COL22A1: variants seen among roughly 807,000 people sequenced by gnomAD.
COL22A1 encodes the protein collagen type XXII alpha 1 chain, also known as collagen alpha-1(XXII) chain.
COL22A1 carries 221 observed loss-of-function variants against 248.9 expected under a neutral mutation model. The observed-to-expected ratio is 0.89, with a 90% CI of 0.80 to 0.99. The LOEUF (loss-of-function observed/expected upper bound fraction) is 0.99, where lower values mean the gene tolerates loss of function less well. COL22A1 is among the 50% of genes least tolerant of loss of function. The probability of loss-of-function intolerance (pLI) is 0.00; values close to 1 mark genes in which losing one functional copy is unlikely to be tolerated. For synonymous variants in COL22A1, 891 were observed against 793.4 expected (o/e 1.12, Z -2.07); for missense variants, 2,240 against 2,179.0 (o/e 1.03, Z -0.56).
In COL22A1 at chr8:138,635,023, T is replaced by G; in HGVS notation, c.3596A>C (p.Asn1199Thr). 6.2e-7 allele frequency: 1 copy of G among 1,607,290 alleles called. No individual in the cohort carries two copies. The highest frequency in any genetic ancestry group is 8.5e-7 in the Non-Finnish European group (1 of 1,175,274). Reference protein sequence around the residue: ...GVPGFMGPPGNPGPPGADGIA... With the variant: ...GVPGFMGPPGTPGPPGADGIA... ...ATGATTACTTACTGGTGGCCCAGGGTTCCCTGGGGGCCCCATGAAACCTGG... is the reference window on the plus strand; with the variant it reads ...ATGATTACTTACTGGTGGCCCAGGGGTCCCTGGGGGCCCCATGAAACCTGG... Residue 1199 changes from asparagine to threonine, a missense_variant, in exon 49 of 65, where the codon AAC becomes ACC. By Grantham distance (65) the Asn-to-Thr change is moderately conservative. Coordinates refer to ENST00000303045, the MANE Select transcript of COL22A1 (RefSeq NM_152888.3).
intron 32 of COL22A1, among the ~76,000 whole-genome samples, chr8:138,695,325 T>C (rs535477965): frequency 0.019 from 2,837 of 152,214 alleles, 85 homozygotes; most frequent in African/African-American, 0.064. Flanking sequence ...CAAACACTAC[T>C]TTTTCTCCCT....
intron 9 of COL22A1, among the ~76,000 whole-genome samples, chr8:138,809,846 C>G (rs1219699894): frequency 2.0e-5 from 3 of 152,162 alleles, no homozygotes; most frequent in African/African-American, 7.2e-5. Context: ...CCATCCATGT[C>G]TTCATACCCT....
At chr8:138,698,285 C>T (rs993966520) in intron 32 of COL22A1, among the ~76,000 whole-genome samples, 1 of 152,164 alleles carries the variant, frequency 6.6e-6, no homozygotes, top group Non-Finnish European at 1.5e-5. Context: ...GAAGCAACGG[C>T]GGTACAGACG....
chr8:138,853,892 AC>A (rs768980170), intron 3 of COL22A1, among the ~76,000 whole-genome samples: 4 of 152,130 alleles, frequency 2.6e-5, no homozygotes, highest in Non-Finnish European at 5.9e-5. Context: ...TTTGGCTGAC[AC>A]CCAGTCTCCC....
intron 5 of COL22A1, among the ~76,000 whole-genome samples, chr8:138,827,022 G>A (rs1819640056): frequency 6.6e-6 from 1 of 152,044 alleles, no homozygotes. Flanking sequence ...CATCCCTATG[G>A]TGCGTCTGCT....
At chr8:138,762,623 G>A (rs12550638) in intron 16 of COL22A1, among the ~76,000 whole-genome samples, 157 bp from the exon 17 acceptor site, 80,613 of 151,600 alleles carry the variant, frequency 0.53, 24,060 homozygotes, top group East Asian at 0.8. Flanking sequence ...AGCCCTAGAC[G>A]GGATGTGTCT....
chr8:138,847,430 T>C (rs575434802), intron 3 of COL22A1, among the ~76,000 whole-genome samples: 3 of 152,332 alleles, frequency 2.0e-5, no homozygotes, highest in Admixed American at 6.5e-5. Flanking sequence ...TCTTTGTTGC[T>C]AAATAATGCC....
At chr8:138,783,535 T>C (rs1485103474) in intron 12 of COL22A1, among the ~76,000 whole-genome samples, 1 of 152,184 alleles carries the variant, frequency 6.6e-6, no homozygotes, top group Non-Finnish European at 1.5e-5. Context: ...TGCTGGCAGC[T>C]GATTAGATGG....
chr8:138,617,738 G>A (rs1245155582), intron 53 of COL22A1, among the ~76,000 whole-genome samples: 1 of 152,178 alleles, frequency 6.6e-6, no homozygotes, highest in Non-Finnish European at 1.5e-5. Flanking sequence ...CTGACTGTGA[G>A]TTAGGTCTGA....
chr8:138,820,193 T>C lies in COL22A1; in HGVS notation c.1245+943A>G, dbSNP rs1021270965. On this transcript the variant is annotated intron_variant, in intron 7 of 64. Transcript: ENST00000303045. ...CATAAACTTCCAAGAATCTATCCTA[T>C]GCGTAATGGTACTATATTTGCTTAT... Among the ~76,000 whole-genome samples the C allele has an allele frequency of 3.3e-5, 5 of 152,318 alleles. No homozygotes were observed. In the South Asian group the frequency reaches 1.0e-3, roughly 32 times the overall value.
In COL22A1 at chr8:138,877,983, T is replaced by C. The variant is rs1463203860; in HGVS notation, c.425A>G (p.Tyr142Cys). The change falls in exon 3 of 65, where the codon TAC (tyrosine) becomes TGC (cysteine). Residue 142 changes from tyrosine to cysteine, a missense_variant. By Grantham distance (194) the Tyr-to-Cys change is radical. Transcript: ENST00000303045. ...HAGGRPRDRAYKQVAILLTDG... is the reference protein window; with the variant it reads ...HAGGRPRDRACKQVAILLTDG... Reference sequence around the variant, plus strand: ...GGTGAGCAGGATGGCCACCTGCTTGTAGGCGCGGTCCCTGGGGCGGCCGCC... The same window carrying C: ...GGTGAGCAGGATGGCCACCTGCTTGCAGGCGCGGTCCCTGGGGCGGCCGCC... 2.5e-6 allele frequency: 4 copies of C among 1,588,620 alleles called. No individual in the cohort carries two copies. Among genetic ancestry groups the C allele is most frequent in the African/African-American group, 1.3e-5 (1 of 74,466 alleles).
At chr8:138,684,246 A>G (rs1012654102) in intron 39 of COL22A1, among the ~76,000 whole-genome samples, 179 bp downstream of exon 39, 3 of 142,546 alleles carry the variant, frequency 2.1e-5, no homozygotes, top group African/African-American at 5.4e-5. Flanking sequence ...CTTGGGCAAC[A>G]GAGTAAGATT....
At chr8:138,817,160 C>A (rs1370340012) in intron 7 of COL22A1, among the ~76,000 whole-genome samples, 1 of 152,182 alleles carries the variant, frequency 6.6e-6, no homozygotes, top group African/African-American at 2.4e-5. Context: ...CAAGAAGTAG[C>A]ATCTTTATTT....
intron 49 of COL22A1, among the ~76,000 whole-genome samples, chr8:138,632,547 C>A (rs538216312): frequency 6.6e-6 from 1 of 152,174 alleles, no homozygotes; most frequent in African/African-American, 2.4e-5. Context: ...TTTCCAGCAG[C>A]CTTTATTTAA....
At chr8:138,724,504 A>G in intron 25 of COL22A1, 111 bp downstream of exon 25, 1 of 1,010,718 alleles carries the variant, frequency 9.9e-7, no homozygotes, top group South Asian at 1.4e-5. Flanking sequence ...CTGGCCAAGG[A>G]GTCCTCAGCT....
intron 55 of COL22A1, among the ~76,000 whole-genome samples, 185 bp downstream of exon 55, chr8:138,615,816 G>A (rs1819269304): frequency 6.6e-6 from 1 of 152,106 alleles, no homozygotes; most frequent in African/African-American, 2.4e-5. Flanking sequence ...CAACCATAAA[G>A]CCCAGGGACC....
intron 39 of COL22A1, among the ~76,000 whole-genome samples, chr8:138,683,488 T>G (rs1826108715): frequency 6.6e-6 from 1 of 152,152 alleles, no homozygotes; most frequent in Admixed American, 6.5e-5. Flanking sequence ...TCTCTTTTCC[T>G]CCTGTGTGCC....
intron 8 of COL22A1, 35 bp from the exon 9 acceptor site, chr8:138,811,956 C>G (rs1469149842): frequency 6.6e-7 from 1 of 1,508,052 alleles, no homozygotes; most frequent in East Asian, 2.5e-5. Context: ...GAACCTGGCT[C>G]TTCACTCAGC....
At chr8:138,848,603 T>C (rs1209270634) in intron 3 of COL22A1, among the ~76,000 whole-genome samples, 1 of 152,172 alleles carries the variant, frequency 6.6e-6, no homozygotes. Flanking sequence ...ATCCCCTGGC[T>C]CTCGGCCAAG....
Sources: gnomAD v4.1 joint callset for allele counts (sites outside exome capture counted in the v4.1 genomes callset) on GRCh38, gnomAD v4.1.1 for gene constraint, MANE v1.5 for transcripts, NCBI Gene and HGNC (gene_info 2026-07-23, HGNC 2026-07-21) for gene names.